The following CNTN4 variants were observed in gnomAD, a reference collection of about 807,000 sequenced individuals.
The protein encoded by CNTN4 is contactin 4.
CNTN4 carries 77 observed loss-of-function variants against 122.5 expected under a neutral mutation model. The observed-to-expected ratio is 0.63, with a 90% CI of 0.52 to 0.76. The LOEUF is 0.76. Among genes scored for constraint, CNTN4 ranks in the 30% least tolerant of loss-of-function variants. The pLI, the probability that CNTN4 is intolerant of heterozygous loss-of-function variation, is 0.00. For missense variants in CNTN4, 1,256 were observed against 1,259.1 expected, an observed-to-expected ratio of 1.00 and a Z score of 0.04; for synonymous variants, 512 against 447.0, an observed-to-expected ratio of 1.15 and a Z score of -1.83.
At chr3:2,251,562 C>T (rs2040380317) in intron 2 of CNTN4, among the ~76,000 whole-genome samples, 1 of 151,776 alleles carries the variant, frequency 6.6e-6, no homozygotes, top group African/African-American at 2.4e-5. Context: ...TTGACTTTCC[C>T]TTCACTTTTT....
At chr3:2,840,567 T>C (rs13095053) in intron 7 of CNTN4, among the ~76,000 whole-genome samples, 2,003 of 11,910 alleles carry the variant, frequency 0.17, 820 homozygotes, top group Non-Finnish European at 0.42. Context: ...GGCGCGGTGA[T>C]GGGCGCCTGT....
intron 6 of CNTN4, among the ~76,000 whole-genome samples, chr3:2,794,846 T>C (rs186989569): frequency 5.3e-5 from 8 of 152,296 alleles, no homozygotes; most frequent in African/African-American, 1.7e-4. Flanking sequence ...TGCTATCTTG[T>C]CACTGTGCAC....
intron 14 of CNTN4, among the ~76,000 whole-genome samples, chr3:3,014,273 A>C (rs138612700): frequency 0.01 from 1,538 of 152,312 alleles, 7 homozygotes; most frequent in Middle Eastern, 0.075. Flanking sequence ...AGTCTGTAGT[A>C]GTACTAGAGT....
intron 19 of CNTN4, 24 bp from the exon 20 acceptor site, chr3:3,040,013 A>G (rs1195091512): frequency 5.3e-6 from 8 of 1,521,346 alleles, no homozygotes; most frequent in Non-Finnish European, 6.4e-6. Flanking sequence ...GTGATTTCTG[A>G]AGACCACCTT....
intron 3 of CNTN4, among the ~76,000 whole-genome samples, chr3:2,420,628 G>A (rs563235454): frequency 6.6e-6 from 1 of 152,096 alleles, no homozygotes; most frequent in African/African-American, 2.4e-5. Flanking sequence ...TAGAGACACG[G>A]ATTCACCATG....
At chr3:2,550,057 A>AT (rs1250899731) in intron 3 of CNTN4, among the ~76,000 whole-genome samples, 3 of 151,996 alleles carry the variant, frequency 2.0e-5, no homozygotes, top group Non-Finnish European at 2.9e-5. Flanking sequence ...CCCCTTGGTC[A>AT]TTTTTTATTG....
chr3:2,387,816 G>A lies in CNTN4; in HGVS notation c.-89+48583G>A, dbSNP rs893606301. On this transcript the variant is annotated intron_variant, in intron 3 of 24. Transcript: ENST00000418658. The stretch of plus-strand genomic sequence containing the variant: ...ATTTCTTATGTTCCACCCATTATAC[G>A]TGAACTATGTGTATCATTAGAAGAC... Among the ~76,000 whole-genome samples the A allele has an allele frequency of 1.7e-4, 26 of 152,012 alleles. 1 individual carries two copies. Among genetic ancestry groups the A allele is most frequent in the African/African-American group, 6.3e-4 (26 of 41,376 alleles).
At chr3:2,957,193 A>T (rs1042787713) in intron 13 of CNTN4, among the ~76,000 whole-genome samples, 4 of 151,590 alleles carry the variant, frequency 2.6e-5, no homozygotes, top group African/African-American at 7.3e-5. Flanking sequence ...TCTAATTTAA[A>T]TTTTTTTTTG....
At chr3:2,615,845 C>T (rs1405314885) in intron 4 of CNTN4, among the ~76,000 whole-genome samples, 2 of 152,092 alleles carry the variant, frequency 1.3e-5, no homozygotes, top group Admixed American at 1.3e-4. Flanking sequence ...TTCCTTCTAG[C>T]CTTCAAGTGT....
intron 3 of CNTN4, among the ~76,000 whole-genome samples, chr3:2,523,724 A>G (rs1670962545): frequency 6.6e-6 from 1 of 152,090 alleles, no homozygotes; most frequent in South Asian, 2.1e-4. Context: ...TGCAAATATC[A>G]TGACAAGGAG....
chr3:2,550,329 G>A (rs538210481), intron 3 of CNTN4, among the ~76,000 whole-genome samples: 17 of 152,178 alleles, frequency 1.1e-4, no homozygotes, highest in South Asian at 1.0e-3. Flanking sequence ...CATTTATGCG[G>A]CCAACAAACA....
intron 6 of CNTN4, among the ~76,000 whole-genome samples, chr3:2,752,458 C>A (rs1379357045): frequency 1.3e-5 from 2 of 152,152 alleles, no homozygotes; most frequent in African/African-American, 4.8e-5. Flanking sequence ...CTCCACCTCC[C>A]GGGTCCAAGC....
At chr3:2,373,617 A>G (rs1379511782) in intron 3 of CNTN4, among the ~76,000 whole-genome samples, 2 of 152,226 alleles carry the variant, frequency 1.3e-5, no homozygotes, top group African/African-American at 4.8e-5. Flanking sequence ...ACAAGCATGT[A>G]TTAAAATTTA....
At chr3:2,465,630 T>C (rs956971914) in intron 3 of CNTN4, among the ~76,000 whole-genome samples, 1 of 152,124 alleles carries the variant, frequency 6.6e-6, no homozygotes. Context: ...TGAGCCGAGA[T>C]TGCGCCACTT....
intron 4 of CNTN4, among the ~76,000 whole-genome samples, chr3:2,592,392 G>C (rs868836117): frequency 2.6e-5 from 4 of 152,294 alleles, no homozygotes; most frequent in African/African-American, 9.6e-5. Flanking sequence ...GAAACTAGAG[G>C]GTTGGTGATA....
At chr3:2,893,309 T>C (rs1244829120) in intron 10 of CNTN4, among the ~76,000 whole-genome samples, 1 of 152,192 alleles carries the variant, frequency 6.6e-6, no homozygotes, top group Non-Finnish European at 1.5e-5. Context: ...CAGCAGAGCA[T>C]ACTAATTCCC....
At chr3:2,586,396 G>A (rs563090189) in intron 4 of CNTN4, among the ~76,000 whole-genome samples, 39 of 152,264 alleles carry the variant, frequency 2.6e-4, no homozygotes, top group African/African-American at 8.7e-4. Context: ...ACGTTCAAGC[G>A]ATTCTCCTGC....
intron 3 of CNTN4, among the ~76,000 whole-genome samples, chr3:2,388,376 G>C (rs1373092031): frequency 2.6e-5 from 4 of 152,202 alleles, no homozygotes; most frequent in Admixed American, 6.5e-5. Flanking sequence ...GAAGAGCTGA[G>C]ATTTGGGATA....
At chr3:2,555,413 G>A (rs531864973) in intron 3 of CNTN4, among the ~76,000 whole-genome samples, 22 of 152,262 alleles carry the variant, frequency 1.4e-4, no homozygotes, top group Non-Finnish European at 2.9e-4. Flanking sequence ...CAAGCACACC[G>A]ATTAATGAAT....
Sources: gnomAD v4.1 joint callset for allele counts (sites outside exome capture counted in the v4.1 genomes callset) on GRCh38, gnomAD v4.1.1 for gene constraint, MANE v1.5 for transcripts, NCBI Gene and HGNC (gene_info 2026-07-23, HGNC 2026-07-21) for gene names.